Variants in TOP1MT observed in about 807,000 individuals in gnomAD.
TOP1MT encodes the protein DNA topoisomerase I mitochondrial, also known as DNA topoisomerase I, mitochondrial.
TOP1MT carries 80 observed loss-of-function variants against 73.9 expected under a neutral mutation model. The ratio of observed to expected loss-of-function variants is 1.08; its 90% CI spans 0.90 to 1.30. The LOEUF (loss-of-function observed/expected upper bound fraction) is 1.30, where lower values mean the gene tolerates loss of function less well. Among genes scored for constraint, TOP1MT ranks in the 50% most tolerant of loss-of-function variants. TOP1MT has a pLI of 0.00. For missense variants in TOP1MT, 815 were observed against 808.0 expected, an observed-to-expected ratio of 1.01 and a Z score of -0.10; for synonymous variants, 338 against 326.4, an observed-to-expected ratio of 1.04 and a Z score of -0.38.
chr8:143,322,586 GC>G, intron 7 of TOP1MT, among the ~76,000 whole-genome samples: 1 of 99,234 alleles, frequency 1.0e-5, no homozygotes, highest in South Asian at 3.4e-4. Flanking sequence ...ACACATGCAC[GC>G]CACACACATG....
intron 7 of TOP1MT, among the ~76,000 whole-genome samples, chr8:143,323,625 ACACACGCACGC>A (rs1479214794): frequency 7.5e-5 from 7 of 92,784 alleles, no homozygotes; most frequent in Non-Finnish European, 1.6e-4. Context: ...CAGGCACGCC[ACACACGCACGC>A]CACACGCACG....
At chr8:143,321,159 T>A in intron 8 of TOP1MT, 42 bp downstream of exon 8, 1 of 1,518,356 alleles carries the variant, frequency 6.6e-7, no homozygotes, top group Non-Finnish European at 8.9e-7. Flanking sequence ...CCAGAGCAAA[T>A]ACGTGTCACA....
chr8:143,317,695 G>A (rs769362655), intron 10 of TOP1MT, 28 bp downstream of exon 10: 42 of 1,595,886 alleles, frequency 2.6e-5, no homozygotes, highest in East Asian at 1.3e-4. Context: ...CTCCCCCCGC[G>A]CTGAGTGTGG....
chr8:143,323,224 C>T (rs1487463036), intron 7 of TOP1MT, among the ~76,000 whole-genome samples: 1 of 114,834 alleles, frequency 8.7e-6, no homozygotes, highest in African/African-American at 3.5e-5. Flanking sequence ...CACAGGCACG[C>T]CACACACAGG....
intron 7 of TOP1MT, among the ~76,000 whole-genome samples, chr8:143,321,626 CCA>C (rs1194813631): frequency 1.9e-5 from 1 of 52,360 alleles, no homozygotes; most frequent in East Asian, 1.2e-3. Flanking sequence ...CACACGCACG[CCA>C]CACACAGGCA....
At chr8:143,337,149 A>G (rs1816996320), upstream of TOP1MT, among the ~76,000 whole-genome samples, 1 of 152,186 alleles carries the variant, frequency 6.6e-6, no homozygotes, top group Non-Finnish European at 1.5e-5. Flanking sequence ...AGCATTGGCC[A>G]GGTGCAGTGG....
chr8:143,344,219 G>A lies in TOP1MT; in HGVS notation c.-39+697C>T, dbSNP rs1350332791. ...AGAAGGAGCCGCTTCACCGAAACGA[G>A]AGGACTAGGGAGGGAAGGGCAGCAG... On this transcript the variant is annotated intron_variant, in intron 1 of 5. Transcript: ENST00000518007. The surrounding 1 kb of genome is among the most constrained non-coding windows in gnomAD (Gnocchi z 4.6). The A allele has an allele frequency of 1.3e-5, 2 of 152,226 alleles. No individual in the cohort carries two copies. Among genetic ancestry groups the A allele is most frequent in the Admixed American group, 6.5e-5 (1 of 15,280 alleles). 9.4% of individuals were successfully genotyped at this position (152,226 alleles called of 1,614,324 possible).
At chr8:143,334,424 C>A in intron 1 of TOP1MT, 1 of 332,248 alleles carries the variant, frequency 3.0e-6, no homozygotes, top group Non-Finnish European at 5.5e-6. Flanking sequence ...AGTACCTAAC[C>A]AAACCCTACA....
rs548506548 is a variant in TOP1MT at position 143,316,204 on chromosome 8, C to A, written c.1331-78G>T. 114 of 1,600,078 alleles carry A rather than the reference C, an allele frequency of 7.1e-5. No homozygotes were observed. In the African/African-American group the frequency reaches 1.4e-3, roughly 19 times the overall value. ...TGTCTGCCCTGAGCCGGCCTTAACG[C>A]GCCACACAGCGCAGCCCCTTCCACT... is the stretch of plus-strand genomic sequence containing the variant. On this transcript the variant is annotated intron_variant, in intron 10 of 13. Coordinates refer to ENST00000329245, the MANE Select transcript of TOP1MT (RefSeq NM_052963.3).
Position 143,334,730 on chromosome 8 carries a change from G to A in TOP1MT, c.122+10C>T. ...AGGGCCCTCGCCGCCTGCTCACTGG[G>A]ACACCTTACCTGGCTCCACTGCCCT... is the stretch of plus-strand genomic sequence containing the variant. On this transcript the variant is annotated intron_variant, in intron 1 of 13. Transcript: ENST00000329245. 1 of 1,600,342 alleles carries A rather than the reference G, an allele frequency of 6.2e-7. No homozygotes were observed. The highest frequency in any genetic ancestry group is 8.5e-7 in the Non-Finnish European group (1 of 1,174,468).
intron 7 of TOP1MT, 51 bp from the exon 8 acceptor site, chr8:143,321,437 C>T: frequency 6.8e-7 from 1 of 1,461,388 alleles, no homozygotes; most frequent in Non-Finnish European, 9.2e-7. Flanking sequence ...ACGCACGCCA[C>T]ACACACGCAC....
intron 7 of TOP1MT, among the ~76,000 whole-genome samples, chr8:143,323,106 CGCCACACAT>C (rs1816563243): frequency 7.1e-6 from 1 of 141,012 alleles, no homozygotes; most frequent in African/African-American, 2.8e-5. Flanking sequence ...CAAACACGCA[CGCCACACAT>C]GCACGCCACA....
upstream of TOP1MT, chr8:143,359,854 C>A (rs1220634464): frequency 1.3e-5 from 2 of 152,338 alleles, no homozygotes; most frequent in Non-Finnish European, 2.9e-5. Context: ...GGTGGCCCTG[C>A]GCCCTCAGGC....
At chr8:143,322,662 G>A (rs201447360) in intron 7 of TOP1MT, among the ~76,000 whole-genome samples, 14 of 72,130 alleles carry the variant, frequency 1.9e-4, no homozygotes, top group African/African-American at 6.0e-4. Flanking sequence ...CACCACACAC[G>A]CACGCCACAC....
Position 143,321,345 on chromosome 8 carries a change from C to A in TOP1MT, c.1002G>T (p.Ala334=), listed in dbSNP as rs900448816. ...RAGNEKEDGE[A]ADTVGCCSLR... ...GGGAACAGCAGCCCACGGTGTCGGC[C>A]GCCTCACCGTCCTCCTTCTCATTTC... The change falls in exon 8 of 14, where the codon GCG becomes GCT. Residue 334 remains alanine (A), a synonymous_variant. Coordinates refer to ENST00000329245, the MANE Select transcript of TOP1MT (RefSeq NM_052963.3). 1 of 1,599,028 alleles carries A rather than the reference C, an allele frequency of 6.3e-7. No individual in the cohort carries two copies. Among genetic ancestry groups the A allele is most frequent in the African/African-American group, 1.3e-5 (1 of 74,582 alleles).
At chr8:143,330,228 G>A (rs1816815717) in intron 2 of TOP1MT, among the ~76,000 whole-genome samples, 1 of 152,188 alleles carries the variant, frequency 6.6e-6, no homozygotes. Context: ...CGGCCCCACT[G>A]GGCCCCACGC....
At chr8:143,328,635 C>T (rs555513294) in intron 3 of TOP1MT, among the ~76,000 whole-genome samples, 1 of 152,362 alleles carries the variant, frequency 6.6e-6, no homozygotes, top group African/African-American at 2.4e-5. Context: ...CACATATGTG[C>T]CCTCACCCAC....
At chr8:143,339,623 G>C (rs1186893583), upstream of TOP1MT, among the ~76,000 whole-genome samples, 1 of 152,194 alleles carries the variant, frequency 6.6e-6, no homozygotes, top group African/African-American at 2.4e-5. Context: ...ACTCTGGGGG[G>C]CACCCAGGCT....
chr8:143,356,955 G>T (rs916885285), upstream of TOP1MT, among the ~76,000 whole-genome samples: 6 of 151,432 alleles, frequency 4.0e-5, no homozygotes, highest in African/African-American at 1.5e-4. Context: ...TTAGATGGGT[G>T]TGGTGGCGGG....
Sources: allele counts gnomAD v4.1 joint callset (sites outside exome capture counted in the v4.1 genomes callset), GRCh38; gene constraint gnomAD v4.1.1; non-coding constraint Gnocchi (gnomAD v3.1); transcripts MANE v1.5; gene names NCBI Gene and HGNC (gene_info 2026-07-23, HGNC 2026-07-21).